The following ASPHD2 variants were observed in gnomAD, a reference collection of about 807,000 sequenced individuals.
ASPHD2 encodes the protein aspartate beta-hydroxylase domain containing 2.
Under a neutral mutation model 34.6 loss-of-function variants are expected in ASPHD2, and 12 were observed. That is an observed-to-expected ratio of 0.35 (90% confidence interval 0.22 to 0.56). ASPHD2 has a LOEUF of 0.56. ASPHD2 is among the 20% of genes least tolerant of loss of function. The pLI is 0.87. For missense variants in ASPHD2, 375 were observed against 505.0 expected (o/e 0.74, Z 2.47); for synonymous variants, 224 against 212.2 (o/e 1.06, Z -0.48).
In ASPHD2 at chr22:26,433,414, C is replaced by G; in HGVS notation, c.-202C>G. 1 of 557,684 alleles carries G rather than the reference C, an allele frequency of 1.8e-6. No homozygotes were observed. Among genetic ancestry groups the G allele is most frequent in the Non-Finnish European group, 3.1e-6 (1 of 317,834 alleles). 34.5% of individuals were successfully genotyped at this position (557,684 alleles called of 1,614,324 possible). A position where few individuals can be genotyped will look rare whatever the true frequency, so the allele number is the denominator to read the frequency against. On this transcript the variant is annotated 5_prime_UTR_variant, in exon 2 of 4. Transcript: ENST00000215906. This position sits in a 1 kb window ranked among gnomAD's most constrained non-coding sequence, Gnocchi z 5.1. ...CAGGTTTGGTTTTCCTAAACAAATC[C>G]TTTCACAGGGACCGACGGCACTTGA... is the stretch of plus-strand genomic sequence containing the variant.
At chr22:26,438,652 CATATATATAT>C (rs143431842) in intron 2 of ASPHD2, among the ~76,000 whole-genome samples, 1 of 122,568 alleles carries the variant, frequency 8.2e-6, no homozygotes, top group Non-Finnish European at 1.7e-5. Context: ...TATACACATA[CATATATATAT>C]ATACACATAC....
In ASPHD2 at chr22:26,438,510, T is replaced by TACAC. The variant is rs1555883294; in HGVS notation, c.887-3946_887-3945insCACA. On this transcript the variant is annotated intron_variant, in intron 2 of 3. Coordinates refer to ENST00000215906, the MANE Select transcript of ASPHD2 (RefSeq NM_020437.5). Reference sequence around the variant, plus strand: ...ATATAGATACACACATACATATATATACATACATATATATACATACATATA... The same window carrying TACAC: ...ATATAGATACACACATACATATATATACACACATACATATATATACATACATATA... Among the ~76,000 whole-genome samples the TACAC allele has an allele frequency of 1.4e-3, 130 of 96,122 alleles. 7 individuals carry two copies. The South Asian group carries it at 0.042, about 31-fold the overall frequency. The allele number at this position is 96,122 out of a possible 152,430, so 63.1% of individuals were successfully genotyped here. A position where few individuals can be genotyped will look rare whatever the true frequency, so the allele number is the denominator to read the frequency against.
chr22:26,438,538 C>T (rs113236796), intron 2 of ASPHD2, among the ~76,000 whole-genome samples: 22,689 of 56,448 alleles, frequency 0.4, 2,800 homozygotes, highest in East Asian at 0.41. Flanking sequence ...TACATATATA[C>T]ACATACATAT....
chr22:26,433,597 C>A lies in ASPHD2; in HGVS notation c.-19C>A, dbSNP rs758776268. On this transcript the variant is annotated 5_prime_UTR_variant, in exon 2 of 4. Transcript: ENST00000215906. The surrounding 1 kb of genome is among the most constrained non-coding windows in gnomAD (Gnocchi z 5.1). The stretch of plus-strand genomic sequence containing the variant: ...CCTCCCCCTGCCCCAGCCGCTCCTT[C>A]CCCCCCACGCTAATCTGCATGGTGT... 2 of 1,591,028 alleles carry A rather than the reference C, an allele frequency of 1.3e-6. No individual in the cohort carries two copies. Among genetic ancestry groups the A allele is most frequent in the Non-Finnish European group, 1.7e-6 (2 of 1,169,486 alleles).
At chr22:26,431,417 G>A (rs201572442) in intron 1 of ASPHD2, among the ~76,000 whole-genome samples, 134 of 136,154 alleles carry the variant, frequency 9.8e-4, no homozygotes, top group East Asian at 1.5e-3. Flanking sequence ...GTGTGGGAAA[G>A]AAAAAAAAAA....
chr22:26,442,998 G>T (rs750840327), intron 3 of ASPHD2, 99 bp from the exon 4 acceptor site: 105 of 841,330 alleles, frequency 1.2e-4, no homozygotes, highest in Non-Finnish European at 1.9e-4. Context: ...TGGGGTCCCT[G>T]CCCCGAAGCT....
rs535280564 is a variant in ASPHD2, at chr22:26,436,172, G to A, written c.886+1671G>A. 5.3e-5 allele frequency among the ~76,000 whole-genome samples: 8 copies of A among 152,296 alleles called. No homozygotes were observed. In the South Asian group the frequency reaches 8.3e-4, roughly 16 times the overall value. On this transcript the variant is annotated intron_variant, in intron 2 of 3. Transcript: ENST00000215906. The stretch of plus-strand genomic sequence containing the variant: ...AGATCTGGACTCAGGTCCTGGCCTC[G>A]CCCCATTTGCTGAGTGACCTTGGGC...
At chr22:26,440,232 A>G (rs1305558928) in intron 2 of ASPHD2, among the ~76,000 whole-genome samples, 1 of 152,156 alleles carries the variant, frequency 6.6e-6, no homozygotes. Context: ...GGAAAGGGCG[A>G]CTGAGGGTCA....
At chr22:26,432,917 C>T (rs2084766359) in intron 1 of ASPHD2, among the ~76,000 whole-genome samples, 1 of 152,184 alleles carries the variant, frequency 6.6e-6, no homozygotes. Context: ...TTTTAAGTCC[C>T]TTTGCCATTT....
chr22:26,442,451 C>T lies in ASPHD2; in HGVS notation c.887-8C>T. The stretch of plus-strand genomic sequence containing the variant: ...CCTTCACTCTCCTTTCTCTGGTTTT[C>T]CTACAAGGTCTGAAAACTCCAAATG... On this transcript the variant is annotated splice_polypyrimidine_tract_variant and splice_region_variant and intron_variant, in intron 2 of 3. Transcript: ENST00000215906. 2 of 1,572,132 alleles carry T rather than the reference C, an allele frequency of 1.3e-6. No individual in the cohort carries two copies. Among genetic ancestry groups the T allele is most frequent in the Non-Finnish European group, 1.7e-6 (2 of 1,157,870 alleles).
In ASPHD2 at chr22:26,433,895, C is replaced by G. The variant is rs748162297; in HGVS notation, c.280C>G (p.Gln94Glu). ...RPYVSVNSLM[Q>E]AADANGLQNG... is the part of the protein sequence containing the mutation. ...CTACGTCTCCGTCAACTCCCTCATG[C>G]AGGCTGCCGATGCCAACGGGCTGCA... The change falls in exon 2 of 4, where the codon CAG becomes GAG. Residue 94 changes from glutamine (Q) to glutamate (E), a missense_variant. Physicochemically the swap from Gln to Glu is conservative, Grantham distance 29. Around this residue, in one of 3 missense-constraint regions of ASPHD2, gnomAD observed 223 missense variants for 257.8 expected, o/e 0.87. Transcript: ENST00000215906. This position sits in a 1 kb window ranked among gnomAD's most constrained non-coding sequence, Gnocchi z 5.1. The G allele has an allele frequency of 2.5e-6, 4 of 1,613,656 alleles. No individual in the cohort carries two copies. The highest frequency in any genetic ancestry group is 3.4e-6 in the Non-Finnish European group (4 of 1,180,028).
Position 26,438,498 on chromosome 22 carries a change from C to CATATAT in ASPHD2, c.887-3958_887-3957insTATATA. ...ATATATACATATATATAGATACACA[C>CATATAT]ATACATATATATACATACATATATA... On this transcript the variant is annotated intron_variant, in intron 2 of 3. Transcript: ENST00000215906. Among the ~76,000 whole-genome samples, 2 of 108,458 alleles carry CATATAT rather than the reference C, an allele frequency of 1.8e-5. 1 individual carries two copies. Among genetic ancestry groups the CATATAT allele is most frequent in the South Asian group, 5.5e-4 (2 of 3,644 alleles). The allele number at this position is 108,458 out of a possible 152,430, so 71.2% of individuals were successfully genotyped here. A position where few individuals can be genotyped will look rare whatever the true frequency, so the allele number is the denominator to read the frequency against.
rs201336246 is a variant in ASPHD2, at chr22:26,442,493, G to T, written c.921G>T (p.Val307=). Reference sequence around the variant, plus strand: ...CTCCAAATGGCTGTGAGCTGGTGGTGGGGGGAGAGCCCCAGTGCTGGGCAG... The same window carrying T: ...CTCCAAATGGCTGTGAGCTGGTGGTTGGGGGAGAGCCCCAGTGCTGGGCAG... The part of the protein sequence containing the change: ...LKTPNGCELV[V]GGEPQCWAEG... Residue 307 remains valine (V), a synonymous_variant, in exon 3 of 4, where the codon GTG becomes GTT. Transcript: ENST00000215906. The T allele has an allele frequency of 1.0e-4, 168 of 1,606,334 alleles. No individual in the cohort carries two copies. The East Asian group carries it at 1.5e-3, about 14-fold the overall frequency.
chr22:26,431,433 C>G (rs887496013), intron 1 of ASPHD2, among the ~76,000 whole-genome samples: 1 of 136,246 alleles, frequency 7.3e-6, no homozygotes, highest in Non-Finnish European at 1.6e-5. Flanking sequence ...AAAAAAAAAA[C>G]AAAAGAAAAC....
Position 26,442,559 on chromosome 22 carries a change from T to C in ASPHD2, c.987T>C (p.Ala329=), listed in dbSNP as rs982851555. The C allele has an allele frequency of 1.2e-5, 19 of 1,605,828 alleles. 1 individual carries two copies. The South Asian group carries it at 1.9e-4, about 16-fold the overall frequency. Reference sequence around the variant, plus strand: ...TCTTTGATGACTCTTTCCTGCATGCTGCGTTCCATGAAGGTGAGTGGCTGC... The same window carrying C: ...TCTTTGATGACTCTTTCCTGCATGCCGCGTTCCATGAAGGTGAGTGGCTGC... The part of the protein sequence containing the change: ...CLLFDDSFLH[A]AFHEGSAEDG... Residue 329 remains alanine, a synonymous_variant, in exon 3 of 4, where the codon GCT becomes GCC. Transcript: ENST00000215906.
intron 2 of ASPHD2, among the ~76,000 whole-genome samples, chr22:26,440,254 G>A (rs1191585077): frequency 8.2e-6 from 1 of 121,512 alleles, no homozygotes; most frequent in Admixed American, 8.5e-5. Flanking sequence ...ACATGGCAGT[G>A]TTCCAACCGG....
Position 26,433,598 on chromosome 22 carries a change from C to G in ASPHD2, c.-18C>G. On this transcript the variant is annotated 5_prime_UTR_variant, in exon 2 of 4. Coordinates refer to ENST00000215906, the MANE Select transcript of ASPHD2 (RefSeq NM_020437.5). This position sits in a 1 kb window ranked among gnomAD's most constrained non-coding sequence, Gnocchi z 5.1. ...CTCCCCCTGCCCCAGCCGCTCCTTC[C>G]CCCCCACGCTAATCTGCATGGTGTG... 1 of 1,597,618 alleles carries G rather than the reference C, an allele frequency of 6.3e-7. No individual in the cohort carries two copies. The highest frequency in any genetic ancestry group is 8.5e-7 in the Non-Finnish European group (1 of 1,173,468).
At chr22:26,430,653 C>T (rs995856983) in intron 1 of ASPHD2, among the ~76,000 whole-genome samples, 6 of 152,192 alleles carry the variant, frequency 3.9e-5, no homozygotes, top group Non-Finnish European at 8.8e-5. Context: ...AATAAACTGC[C>T]AGTCACTCTG....
At chr22:26,434,571 G>A (rs2084779293) in intron 2 of ASPHD2, 70 bp downstream of exon 2, 4 of 1,484,668 alleles carry the variant, frequency 2.7e-6, no homozygotes, top group Admixed American at 2.3e-5. Flanking sequence ...TCAAAACATC[G>A]CGAAAGCTCA....
Sources: allele counts gnomAD v4.1 joint callset (sites outside exome capture counted in the v4.1 genomes callset), GRCh38; gene constraint gnomAD v4.1.1; regional missense constraint gnomAD v4.1.1; non-coding constraint Gnocchi (gnomAD v3.1); transcripts MANE v1.5; gene names NCBI Gene and HGNC (gene_info 2026-07-23, HGNC 2026-07-21).